TNPO1: variants seen among roughly 807,000 people sequenced by gnomAD.
TNPO1 encodes transportin-1.
In TNPO1, 8 loss-of-function variants were observed where a neutral mutation model predicts 119.5. That is an observed-to-expected ratio of 0.07 (90% CI 0.04 to 0.12). The LOEUF is 0.12. Among genes scored for constraint, TNPO1 ranks in the 10% least tolerant of loss-of-function variants. The pLI is 1.00. For missense variants in TNPO1, 576 were observed against 1,089.8 expected (o/e 0.53, Z 6.64); for synonymous variants, 362 against 363.0 (o/e 1.00, Z 0.03).
rs776844205 is a variant in TNPO1, at chr5:72,861,839, A to C, written c.387A>C (p.Gly129=). 6.2e-7 allele frequency: 1 copy of C among 1,613,976 alleles called. No homozygotes were observed. Among genetic ancestry groups the C allele is most frequent in the Admixed American group, 1.7e-5 (1 of 60,022 alleles). The stretch of plus-strand genomic sequence containing the variant: ...TGATCACAACTATAGCCTCCAAGGG[A>C]GAATTGCAGAATTGGCCTGACCTCT... The part of the protein sequence containing the change: ...GILITTIASK[G]ELQNWPDLLP... The change falls in exon 5 of 25, where the codon GGA becomes GGC. Residue 129 remains glycine (G), a synonymous_variant. Coordinates refer to ENST00000337273, the MANE Select transcript of TNPO1 (RefSeq NM_002270.4).
intron 4 of TNPO1, among the ~76,000 whole-genome samples, 192 bp downstream of exon 4, chr5:72,856,115 C>T (rs942426499): frequency 2.6e-5 from 4 of 152,152 alleles, no homozygotes; most frequent in African/African-American, 7.2e-5. Flanking sequence ...ACTAGTGACC[C>T]TGGATAAGAG....
chr5:72,837,353 A>T (rs1259091836), intron 1 of TNPO1, among the ~76,000 whole-genome samples: 1 of 152,148 alleles, frequency 6.6e-6, no homozygotes, highest in Non-Finnish European at 1.5e-5. Flanking sequence ...AGGAACAAAC[A>T]CTATTTTCTC....
At chr5:72,826,429 C>T in intron 1 of TNPO1, among the ~76,000 whole-genome samples, 1 of 151,944 alleles carries the variant, frequency 6.6e-6, no homozygotes, top group African/African-American at 2.4e-5. Flanking sequence ...ACTCTCTGTC[C>T]CTTTTCAAAA....
At chr5:72,821,039 G>T (rs573263279) in intron 1 of TNPO1, among the ~76,000 whole-genome samples, 38 of 152,154 alleles carry the variant, frequency 2.5e-4, no homozygotes, top group African/African-American at 7.7e-4. Flanking sequence ...GAAAAGGCCC[G>T]TAAGTGCTAA....
At chr5:72,865,998 C>T (rs1725371171) in intron 6 of TNPO1, among the ~76,000 whole-genome samples, 1 of 152,212 alleles carries the variant, frequency 6.6e-6, no homozygotes, top group Non-Finnish European at 1.5e-5. Context: ...CAGGCATCTT[C>T]TAACTTCCTT....
intron 24 of TNPO1, among the ~76,000 whole-genome samples, chr5:72,906,268 TTTTTTTC>T (rs1561365833): frequency 3.0e-4 from 19 of 62,904 alleles, no homozygotes; most frequent in African/African-American, 8.9e-4. Context: ...CCATCACTTT[TTTTTTTC>T]TTTTTTTTTT....
chr5:72,833,111 A>C (rs1310721143), intron 1 of TNPO1, among the ~76,000 whole-genome samples: 1 of 152,166 alleles, frequency 6.6e-6, no homozygotes, highest in Non-Finnish European at 1.5e-5. Context: ...GAATGACTTA[A>C]AATAAACCTC....
At chr5:72,905,513 A>T (rs1488268966) in intron 24 of TNPO1, 68 bp downstream of exon 24, 2 of 682,936 alleles carry the variant, frequency 2.9e-6, no homozygotes, top group African/African-American at 1.8e-5. Context: ...ATTTCAAACT[A>T]CTAAATAGAA....
chr5:72,865,838 G>A, intron 6 of TNPO1, 109 bp downstream of exon 6: 1 of 1,179,288 alleles, frequency 8.5e-7, no homozygotes, highest in Admixed American at 2.5e-5. Flanking sequence ...AAAGATATTG[G>A]ATGTTCCAGA....
intron 24 of TNPO1, among the ~76,000 whole-genome samples, chr5:72,907,254 A>G (rs187601917): frequency 2.0e-5 from 3 of 152,310 alleles, no homozygotes; most frequent in Non-Finnish European, 4.4e-5. Context: ...TGTAGCTTCA[A>G]AGCTTCAATG....
chr5:72,893,794 G>A (rs1315221746), intron 18 of TNPO1, 91 bp downstream of exon 18: 2 of 1,175,312 alleles, frequency 1.7e-6, no homozygotes, highest in African/African-American at 3.1e-5. Context: ...GAAATTGCAT[G>A]GAATCCCAAC....
intron 14 of TNPO1, among the ~76,000 whole-genome samples, chr5:72,891,357 C>T (rs982896822): frequency 1.3e-5 from 2 of 151,756 alleles, no homozygotes; most frequent in African/African-American, 2.4e-5. Context: ...CCCAGCTACT[C>T]GGGAGGCTGA....
intron 21 of TNPO1, among the ~76,000 whole-genome samples, chr5:72,900,659 T>G (rs1366748661): frequency 6.6e-6 from 1 of 152,176 alleles, no homozygotes. Context: ...GAGTACAATT[T>G]TAAAAGTTAA....
rs370903533 is a variant in TNPO1, at chr5:72,888,162, G to A, written c.1388G>A (p.Arg463His). 3.7e-6 allele frequency: 6 copies of A among 1,613,910 alleles called. No individual in the cohort carries two copies. Among genetic ancestry groups the A allele is most frequent in the Admixed American group, 1.7e-5 (1 of 59,984 alleles). ...QCLSDKKALV[R>H]SITCWTLSRY... is the part of the protein sequence containing the mutation. ...CTCTCTGATAAAAAGGCTCTTGTGC[G>A]TTCCATAACATGCTGGACTCTTAGC... The change falls in exon 13 of 25, where the codon CGT becomes CAT. Residue 463 changes from arginine (R) to histidine (H), a missense_variant. By Grantham distance (29) the Arg-to-His change is conservative. Transcript: ENST00000337273.
At chr5:72,819,283 A>C (rs1290364638) in intron 1 of TNPO1, among the ~76,000 whole-genome samples, 1 of 152,218 alleles carries the variant, frequency 6.6e-6, no homozygotes, top group African/African-American at 2.4e-5. Flanking sequence ...CCACCAGATC[A>C]TGATCAGATT....
Position 72,890,038 on chromosome 5 carries a change from A to C in TNPO1, c.1701+81A>C, listed in dbSNP as rs369021233. ...ATAGATTAGCATATATTTGGAAATT[A>C]AGATGTTTTGGGAGATGTGAATAGT... On this transcript the variant is annotated intron_variant, in intron 14 of 24. Transcript: ENST00000337273. The C allele has an allele frequency of 1.3e-5, 19 of 1,506,456 alleles. No individual in the cohort carries two copies. The African/African-American group carries it at 1.8e-4, about 15-fold the overall frequency. The allele number at this position is 1,506,456 out of a possible 1,614,324, so 93.3% of individuals were successfully genotyped here. A position where few individuals can be genotyped will look rare whatever the true frequency, so the allele number is the denominator to read the frequency against.
At chr5:72,865,188 T>A (rs896523264) in intron 5 of TNPO1, among the ~76,000 whole-genome samples, 2 of 152,112 alleles carry the variant, frequency 1.3e-5, no homozygotes, top group South Asian at 4.2e-4. Context: ...ATGCCTGTAA[T>A]CCCAGCACTT....
intron 20 of TNPO1, among the ~76,000 whole-genome samples, chr5:72,899,547 G>C (rs999633232): frequency 1.4e-4 from 21 of 152,226 alleles, no homozygotes; most frequent in African/African-American, 4.6e-4. Context: ...ATTAGTTTGA[G>C]ATGCTTGAGA....
chr5:72,844,765 G>A (rs1350741029), intron 1 of TNPO1, among the ~76,000 whole-genome samples: 1 of 152,110 alleles, frequency 6.6e-6, no homozygotes, highest in Non-Finnish European at 1.5e-5. Context: ...ATTCAAACGT[G>A]GTCAGTTGAG....
Sources: gnomAD v4.1 joint callset for allele counts (sites outside exome capture counted in the v4.1 genomes callset) on GRCh38, gnomAD v4.1.1 for gene constraint, MANE v1.5 for transcripts, NCBI Gene and HGNC (gene_info 2026-07-23, HGNC 2026-07-21) for gene names.